Variants in DPP10 observed in about 807,000 individuals in gnomAD.
DPP10 encodes the protein inactive dipeptidyl peptidase 10.
DPP10 carries 33 observed loss-of-function variants against 120.9 expected under a neutral mutation model. The ratio of observed to expected loss-of-function variants is 0.27; its 90% CI spans 0.21 to 0.37. The LOEUF (loss-of-function observed/expected upper bound fraction) is 0.37, where lower values mean the gene tolerates loss of function less well. Ranked by LOEUF, DPP10 falls within the 10% of genes least tolerant of loss-of-function variation. DPP10 has a pLI of 1.00. For synonymous variants in DPP10, 337 were observed against 326.1 expected (o/e 1.03, Z -0.36); for missense variants, 816 against 942.8 (o/e 0.87, Z 1.76).
At chr2:114,978,379 G>A (rs1423745835) in intron 1 of DPP10, among the ~76,000 whole-genome samples, 3 of 152,004 alleles carry the variant, frequency 2.0e-5, no homozygotes, top group Non-Finnish European at 2.9e-5. Flanking sequence ...GCCTATCCAG[G>A]GTACCACACT....
intron 1 of DPP10, among the ~76,000 whole-genome samples, chr2:114,559,594 A>G (rs945942632): frequency 1.3e-5 from 2 of 152,020 alleles, no homozygotes; most frequent in African/African-American, 4.8e-5. Flanking sequence ...ATTGAACCCT[A>G]CCCACTCTAG....
intron 1 of DPP10, among the ~76,000 whole-genome samples, chr2:114,464,267 A>AT (rs200965853): frequency 0.015 from 2,233 of 152,122 alleles, 31 homozygotes; most frequent in Middle Eastern, 0.048. Context: ...TTGTCTTTTT[A>AT]TTTTTTTAAG....
chr2:115,376,279 A>G (rs1452235136), intron 3 of DPP10, among the ~76,000 whole-genome samples: 1 of 152,212 alleles, frequency 6.6e-6, no homozygotes. Flanking sequence ...ACGAATTTCA[A>G]AATTATAAAT....
intron 1 of DPP10, among the ~76,000 whole-genome samples, chr2:115,259,797 A>G (rs2105740446): frequency 6.6e-6 from 1 of 152,244 alleles, no homozygotes; most frequent in African/African-American, 2.4e-5. Context: ...AAAAATACAC[A>G]TATGCATAAA....
At chr2:115,564,232 C>CTT (rs11333808) in intron 5 of DPP10, among the ~76,000 whole-genome samples, 7 of 112,838 alleles carry the variant, frequency 6.2e-5, no homozygotes, top group East Asian at 5.4e-4. Context: ...TTGATCATGT[C>CTT]TTTTTTTTTT....
chr2:115,383,331 T>A (rs2106488041), intron 3 of DPP10, among the ~76,000 whole-genome samples: 1 of 152,286 alleles, frequency 6.6e-6, no homozygotes, highest in African/African-American at 2.4e-5. Flanking sequence ...CTGCACAAGC[T>A]CTCTTCTCTT....
intron 1 of DPP10, among the ~76,000 whole-genome samples, chr2:114,623,089 C>G (rs11888008): frequency 0.011 from 1,662 of 152,146 alleles, 32 homozygotes; most frequent in African/African-American, 0.038. Context: ...ACATAGGAGA[C>G]AGTAGAGCCC....
At chr2:114,753,279 C>T (rs758418524) in intron 1 of DPP10, among the ~76,000 whole-genome samples, 22 of 152,130 alleles carry the variant, frequency 1.4e-4, no homozygotes, top group Admixed American at 5.9e-4. Flanking sequence ...TCCAAGCTTG[C>T]CAACCCCCTC....
At chr2:115,643,192 AC>A (rs1346574173) in intron 5 of DPP10, among the ~76,000 whole-genome samples, 3 of 151,884 alleles carry the variant, frequency 2.0e-5, no homozygotes, top group Admixed American at 2.0e-4. Flanking sequence ...GAAATTGATG[AC>A]CTTAGTGGGT....
At chr2:114,852,530 C>G (rs62165243) in intron 1 of DPP10, among the ~76,000 whole-genome samples, 1 of 151,646 alleles carries the variant, frequency 6.6e-6, no homozygotes, top group Non-Finnish European at 1.5e-5. Context: ...AATCTAGAGA[C>G]GATTTAAAGT....
chr2:115,160,384 T>C lies in DPP10; in HGVS notation c.61-148855T>C, dbSNP rs542115694. 2.0e-5 allele frequency among the ~76,000 whole-genome samples: 3 copies of C among 152,326 alleles called. No individual in the cohort carries two copies. In the South Asian group the frequency reaches 6.2e-4, roughly 32 times the overall value. On this transcript the variant is annotated intron_variant, in intron 1 of 25. Coordinates refer to ENST00000410059, the MANE Select transcript of DPP10 (RefSeq NM_020868.6). ...ACAATTAATATTTAGGACAACATTA[T>C]AATTCGTGTTTTAGAAACTACTAAG...
In DPP10 at chr2:114,530,655, G is replaced by A. The variant is rs554603971; in HGVS notation, c.60+87817G>A. Among the ~76,000 whole-genome samples the A allele has an allele frequency of 7.9e-5, 12 of 152,190 alleles. No homozygotes were observed. The East Asian group carries it at 1.4e-3, about 17-fold the overall frequency. On this transcript the variant is annotated intron_variant, in intron 1 of 25. Coordinates refer to ENST00000410059, the MANE Select transcript of DPP10 (RefSeq NM_020868.6). ...AAATGCCCTCCAGGGTTCCTTCCAA[G>A]TTGCTCTGCTGACCTGAGCTCATTA...
At chr2:115,173,893 T>G (rs896529833) in intron 1 of DPP10, among the ~76,000 whole-genome samples, 1 of 152,202 alleles carries the variant, frequency 6.6e-6, no homozygotes, top group Non-Finnish European at 1.5e-5. Flanking sequence ...ATCATACAAC[T>G]GATCAGTTTG....
intron 1 of DPP10, among the ~76,000 whole-genome samples, chr2:115,210,107 G>A (rs982267612): frequency 6.6e-6 from 1 of 152,046 alleles, no homozygotes; most frequent in African/African-American, 2.4e-5. Context: ...TGCCATGTTG[G>A]TGTGCTGCAC....
chr2:114,553,500 C>A (rs138369879), intron 1 of DPP10, among the ~76,000 whole-genome samples: 159 of 152,250 alleles, frequency 1.0e-3, no homozygotes, highest in African/African-American at 3.7e-3. Context: ...CTGGGGAGAG[C>A]GATATTTTTA....
intron 3 of DPP10, among the ~76,000 whole-genome samples, chr2:115,481,628 A>G (rs751670203): frequency 6.6e-6 from 1 of 152,064 alleles, no homozygotes; most frequent in African/African-American, 2.4e-5. Context: ...TTTTGGAGCC[A>G]ATTATTTTGT....
chr2:115,472,984 A>G (rs934605570), intron 3 of DPP10, among the ~76,000 whole-genome samples: 1 of 152,224 alleles, frequency 6.6e-6, no homozygotes, highest in African/African-American at 2.4e-5. Context: ...CCCTACAGAC[A>G]GTAGAATATG....
intron 20 of DPP10, among the ~76,000 whole-genome samples, chr2:115,815,467 A>G (rs760479197): frequency 1.3e-5 from 2 of 152,174 alleles, no homozygotes; most frequent in Non-Finnish European, 2.9e-5. Flanking sequence ...TGCATTTATA[A>G]CAAGCTTTCA....
At chr2:115,522,247 A>G (rs2077855214) in intron 4 of DPP10, among the ~76,000 whole-genome samples, 1 of 152,148 alleles carries the variant, frequency 6.6e-6, no homozygotes, top group African/African-American at 2.4e-5. Flanking sequence ...TTACACAGAC[A>G]GCTTCAGTCT....
Sources: allele counts gnomAD v4.1 joint callset (sites outside exome capture counted in the v4.1 genomes callset), GRCh38; gene constraint gnomAD v4.1.1; transcripts MANE v1.5; gene names NCBI Gene and HGNC (gene_info 2026-07-23, HGNC 2026-07-21).